The following KIAA1549L variants were observed in gnomAD, a reference collection of about 807,000 sequenced individuals.
KIAA1549L encodes UPF0606 protein KIAA1549L.
In KIAA1549L, 88 loss-of-function variants were observed where a neutral mutation model predicts 160.7. The ratio of observed to expected loss-of-function variants is 0.55; its 90% CI spans 0.46 to 0.65. The LOEUF (loss-of-function observed/expected upper bound fraction) is 0.65. Among genes scored for constraint, KIAA1549L ranks in the 30% least tolerant of loss-of-function variants. KIAA1549L has a pLI of 0.00. For synonymous variants in KIAA1549L, 950 were observed against 976.7 expected (o/e 0.97, Z 0.51); for missense variants, 2,258 against 2,437.5 (o/e 0.93, Z 1.55).
At chr11:33,379,755 C>A (rs1850035983) in intron 1 of KIAA1549L, among the ~76,000 whole-genome samples, 1 of 152,190 alleles carries the variant, frequency 6.6e-6, no homozygotes, top group African/African-American at 2.4e-5. Context: ...GTGAGGATTA[C>A]ACGAGTTAAA....
chr11:33,564,069 A>C (rs2133225146), intron 8 of KIAA1549L, among the ~76,000 whole-genome samples: 1 of 152,294 alleles, frequency 6.6e-6, no homozygotes, highest in African/African-American at 2.4e-5. Flanking sequence ...GGTGTTCAGA[A>C]TAAACAGTGG....
chr11:33,566,761 T>C, intron 8 of KIAA1549L, among the ~76,000 whole-genome samples: 1 of 152,200 alleles, frequency 6.6e-6, no homozygotes, highest in East Asian at 1.9e-4. Flanking sequence ...CTGGATGCCA[T>C]AACTGCAATG....
chr11:33,600,168 C>T (rs1384881777), intron 13 of KIAA1549L, among the ~76,000 whole-genome samples: 3 of 152,142 alleles, frequency 2.0e-5, no homozygotes, highest in Non-Finnish European at 4.4e-5. Context: ...GAAATTTTGT[C>T]TTTCCCTGAA....
In KIAA1549L at chr11:33,571,418, G is replaced by A. The variant is rs190411324; in HGVS notation, c.4230+3191G>A. The stretch of plus-strand genomic sequence containing the variant: ...TCTAGAAAGTGATTAGGCCGTTCTT[G>A]CATTGCTATAAAGAAATATCTGAGA... On this transcript the variant is annotated intron_variant, in intron 9 of 20. Coordinates refer to ENST00000658780, the MANE Select transcript of KIAA1549L (RefSeq NM_012194.3). Among the ~76,000 whole-genome samples, 155 of 152,318 alleles carry A rather than the reference G, an allele frequency of 1.0e-3. 6 individuals are homozygous for A. The highest frequency in any genetic ancestry group is 9.9e-3 in the Admixed American group (152 of 15,296).
In KIAA1549L at chr11:33,583,325, C is replaced by G; in HGVS notation, c.4403-13C>G. On this transcript the variant is annotated splice_polypyrimidine_tract_variant and intron_variant, in intron 10 of 20. Transcript: ENST00000658780. ...TTGCTTGTCATGTCCCTCCTGCTGGCTCTTTCCCACAGCCGTGGTGAAGAA... is the reference window on the plus strand; with the variant it reads ...TTGCTTGTCATGTCCCTCCTGCTGGGTCTTTCCCACAGCCGTGGTGAAGAA... The G allele has an allele frequency of 6.3e-7, 1 of 1,594,648 alleles. No individual in the cohort carries two copies. The highest frequency in any genetic ancestry group is 1.1e-5 in the South Asian group (1 of 87,412).
At chr11:33,510,050 A>G (rs1375996602) in intron 1 of KIAA1549L, among the ~76,000 whole-genome samples, 2 of 152,162 alleles carry the variant, frequency 1.3e-5, no homozygotes, top group African/African-American at 2.4e-5. Context: ...TGGTGATCAC[A>G]TTGTGCCAAG....
At chr11:33,443,357 C>G (rs1851548191) in intron 1 of KIAA1549L, among the ~76,000 whole-genome samples, 1 of 151,662 alleles carries the variant, frequency 6.6e-6, no homozygotes, top group Non-Finnish European at 1.5e-5. Context: ...TTCCTTAAAA[C>G]TTTATCTGTG....
intron 1 of KIAA1549L, among the ~76,000 whole-genome samples, chr11:33,530,487 A>G (rs1328528415): frequency 3.0e-5 from 4 of 131,534 alleles, no homozygotes; most frequent in Non-Finnish European, 6.4e-5. Context: ...ATATATATGC[A>G]AGATTTGCAA....
At chr11:33,403,378 C>CACAT (rs1318357713) in intron 1 of KIAA1549L, 1 of 146,966 alleles carries the variant, frequency 6.8e-6, no homozygotes, top group African/African-American at 2.6e-5. Flanking sequence ...TGCAGACAGA[C>CACAT]ACATACAGGG....
chr11:33,544,737 T>A, intron 2 of KIAA1549L, 30 bp from the exon 3 acceptor site: 1 of 1,553,058 alleles, frequency 6.4e-7, no homozygotes, highest in Non-Finnish European at 8.7e-7. Flanking sequence ...TCCAAGCCAA[T>A]GACAAACTTT....
intron 1 of KIAA1549L, among the ~76,000 whole-genome samples, chr11:33,485,138 G>A (rs74893710): frequency 0.027 from 4,064 of 152,266 alleles, 122 homozygotes; most frequent in South Asian, 0.088. Context: ...GGGCCTTGGT[G>A]CTTCCCATTG....
At chr11:33,534,051 ACTGT>A (rs1299391897) in intron 1 of KIAA1549L, among the ~76,000 whole-genome samples, 2 of 152,126 alleles carry the variant, frequency 1.3e-5, no homozygotes, top group Non-Finnish European at 2.9e-5. Context: ...GCAAACCATT[ACTGT>A]CTGTCTCCCT....
Position 33,609,892 on chromosome 11 carries a change from A to T in KIAA1549L, c.5205A>T (p.Lys1735Asn). 1.9e-6 allele frequency: 3 copies of T among 1,614,022 alleles called. No individual in the cohort carries two copies. The highest frequency in any genetic ancestry group is 2.5e-6 in the Non-Finnish European group (3 of 1,179,880). ...GLTERKKMYE[K>N]APKEMEHVLD... The stretch of plus-strand genomic sequence containing the variant: ...CCGAAAGAAAGAAGATGTATGAAAA[A>T]GCCCCGAAGGAAATGGAGCATGTTT... The change falls in exon 15 of 21, where the codon AAA becomes AAT. Residue 1735 changes from lysine to asparagine, a missense_variant. This residue lies in a region of KIAA1549L where 1,359 missense variants were observed against 1,546.6 expected (regional missense o/e 0.88). Transcript: ENST00000658780.
At chr11:33,413,579 G>A (rs12282223) in intron 1 of KIAA1549L, among the ~76,000 whole-genome samples, 47,107 of 151,756 alleles carry the variant, frequency 0.31, 7,787 homozygotes, top group East Asian at 0.55. Flanking sequence ...ATGCTACCAC[G>A]ATATCTCAAT....
Position 33,381,006 on chromosome 11 carries a change from G to A in KIAA1549L, c.238+4117G>A, listed in dbSNP as rs553302335. On this transcript the variant is annotated intron_variant, in intron 1 of 20. Transcript: ENST00000658780. Reference sequence around the variant, plus strand: ...CAAAAACAAGGCCTGTTCTCACAGGGATTAGAGAGAATGGGGCTTGTTTTT... The same window carrying A: ...CAAAAACAAGGCCTGTTCTCACAGGAATTAGAGAGAATGGGGCTTGTTTTT... 2.0e-5 allele frequency among the ~76,000 whole-genome samples: 3 copies of A among 151,922 alleles called. No individual in the cohort carries two copies. In the South Asian group the frequency reaches 6.3e-4, roughly 32 times the overall value.
At chr11:33,570,026 C>T (rs1356851470) in intron 9 of KIAA1549L, among the ~76,000 whole-genome samples, 64 of 115,856 alleles carry the variant, frequency 5.5e-4, no homozygotes, top group African/African-American at 1.8e-3. Flanking sequence ...TTTTTTGAGA[C>T]GGAGTCTCAC....
chr11:33,661,365 G>A (rs1401905825), intron 20 of KIAA1549L, among the ~76,000 whole-genome samples: 1 of 152,058 alleles, frequency 6.6e-6, no homozygotes, highest in Non-Finnish European at 1.5e-5. Flanking sequence ...TACAATCTTA[G>A]GTAGGTATTA....
chr11:33,498,861 C>A (rs973441784), intron 1 of KIAA1549L, among the ~76,000 whole-genome samples: 4 of 152,070 alleles, frequency 2.6e-5, no homozygotes, highest in Admixed American at 2.6e-4. Flanking sequence ...CAGTGAATTC[C>A]CTGCAAGATC....
intron 1 of KIAA1549L, among the ~76,000 whole-genome samples, chr11:33,509,941 C>G (rs184407966): frequency 6.6e-6 from 1 of 152,264 alleles, no homozygotes. Flanking sequence ...AGTAATTGCT[C>G]TGCTGGTGCC....
Sources: allele counts gnomAD v4.1 joint callset (sites outside exome capture counted in the v4.1 genomes callset), GRCh38; gene constraint gnomAD v4.1.1; regional missense constraint gnomAD v4.1.1; transcripts MANE v1.5; gene names NCBI Gene and HGNC (gene_info 2026-07-23, HGNC 2026-07-21).